The following GREB1L variants were observed in gnomAD, a reference collection of about 807,000 sequenced individuals.
GREB1L encodes the protein GREB1-like protein.
A neutral mutation model predicts 200.8 loss-of-function variants in GREB1L; 17 were observed. That is an observed-to-expected ratio of 0.08 (90% CI 0.06 to 0.13). The LOEUF (loss-of-function observed/expected upper bound fraction) is 0.13, where lower values mean the gene tolerates loss of function less well. Ranked by LOEUF, GREB1L falls within the 10% of genes least tolerant of loss-of-function variation. The pLI is 1.00. For missense variants in GREB1L, 1,657 were observed against 2,367.7 expected (o/e 0.70, Z 6.23); for synonymous variants, 789 against 893.0 (o/e 0.88, Z 2.08).
intron 1 of GREB1L, among the ~76,000 whole-genome samples, chr18:21,303,371 A>T (rs1376601064): frequency 1.3e-5 from 2 of 152,236 alleles, no homozygotes; most frequent in African/African-American, 4.8e-5. Flanking sequence ...AAGTTCCCAA[A>T]TGGAAAAATT....
At chr18:21,390,571 G>C (rs761034629) in intron 4 of GREB1L, among the ~76,000 whole-genome samples, 1 of 152,064 alleles carries the variant, frequency 6.6e-6, no homozygotes, top group Non-Finnish European at 1.5e-5. Context: ...GGAGTCTCGC[G>C]CTGTCACCAG....
chr18:21,432,400 ATAAT>A (rs1265873427), intron 7 of GREB1L, among the ~76,000 whole-genome samples: 3 of 151,906 alleles, frequency 2.0e-5, no homozygotes, highest in Non-Finnish European at 2.9e-5. Flanking sequence ...TATCAAGGTG[ATAAT>A]TAATTCTTCC....
chr18:21,319,351 C>CAATTGGTTAA (rs2038918010), intron 1 of GREB1L, among the ~76,000 whole-genome samples: 1 of 152,218 alleles, frequency 6.6e-6, no homozygotes, highest in African/African-American at 2.4e-5. Context: ...AATTGTAGAT[C>CAATTGGTTAA]CCAATCATGC....
chr18:21,485,164 T>C (rs558214518), intron 17 of GREB1L, among the ~76,000 whole-genome samples: 2 of 152,336 alleles, frequency 1.3e-5, no homozygotes, highest in East Asian at 3.9e-4. Context: ...AAAATTTGTT[T>C]GCAAAGATAA....
intron 28 of GREB1L, 86 bp downstream of exon 28, chr18:21,514,072 A>G: frequency 3.8e-6 from 5 of 1,310,370 alleles, no homozygotes; most frequent in Non-Finnish European, 5.2e-6. Flanking sequence ...GGAAGTAAGA[A>G]AGAGAGAGAC....
chr18:21,354,579 AC>A (rs1326244741), intron 1 of GREB1L, among the ~76,000 whole-genome samples: 1 of 152,246 alleles, frequency 6.6e-6, no homozygotes, highest in Non-Finnish European at 1.5e-5. Context: ...CATTAATCAT[AC>A]AGATTATCAT....
At chr18:21,439,707 A>G in intron 8 of GREB1L, 70 bp downstream of exon 8, 1 of 976,792 alleles carries the variant, frequency 1.0e-6, no homozygotes, top group South Asian at 1.4e-5. Context: ...AGATTTTGTA[A>G]TGAATTATCT....
chr18:21,491,949 T>C (rs1568055090), intron 19 of GREB1L, among the ~76,000 whole-genome samples: 1 of 152,110 alleles, frequency 6.6e-6, no homozygotes, highest in Non-Finnish European at 1.5e-5. Context: ...TACATTACAG[T>C]GGAATTCCTA....
chr18:21,450,837 T>C lies in GREB1L; in HGVS notation c.1721-186T>C, dbSNP rs547519648. The C allele has an allele frequency of 4.2e-3, 2,253 of 538,836 alleles. 12 individuals are homozygous for C. Among genetic ancestry groups the C allele is most frequent in the Non-Finnish European group, 5.6e-3 (1,717 of 305,958 alleles). The allele number at this position is 538,836 out of a possible 1,614,324, so 33.4% of individuals were successfully genotyped here. ...TGTATTATAAACATTTCTGTTTCTG[T>C]CTAGAGTCAGAATTGATATTTCAAA... On this transcript the variant is annotated intron_variant, in intron 12 of 32. Coordinates refer to ENST00000424526, the MANE Select transcript of GREB1L (RefSeq NM_001142966.3).
intron 1 of GREB1L, among the ~76,000 whole-genome samples, chr18:21,265,442 A>C (rs2037950855): frequency 6.6e-6 from 1 of 152,244 alleles, no homozygotes; most frequent in Admixed American, 6.5e-5. Flanking sequence ...GGTAAAATCA[A>C]GTAGCATGAA....
In GREB1L at chr18:21,523,071, C is replaced by T. The variant is rs1486683068; in HGVS notation, c.*250C>T. 8.2e-6 allele frequency: 3 copies of T among 364,930 alleles called. No individual in the cohort carries two copies. Among genetic ancestry groups the T allele is most frequent in the Admixed American group, 4.5e-5 (1 of 22,042 alleles). The allele number at this position is 364,930 out of a possible 1,614,324, so 22.6% of individuals were successfully genotyped here. ...GGCAGTTATGCAATTACTTAAGATA[C>T]GGTCTGCCCATGGGATCCTGAGGAG... On this transcript the variant is annotated 3_prime_UTR_variant, in exon 33 of 33. Coordinates refer to ENST00000424526, the MANE Select transcript of GREB1L (RefSeq NM_001142966.3).
rs1402796000 is a variant in GREB1L, at chr18:21,500,001, C to G, written c.3664C>G (p.Arg1222Gly). 4.5e-6 allele frequency: 7 copies of G among 1,551,342 alleles called. No individual in the cohort carries two copies. Among genetic ancestry groups the G allele is most frequent in the Non-Finnish European group, 6.1e-6 (7 of 1,146,990 alleles). Residue 1222 changes from arginine (R) to glycine (G), a missense_variant, in exon 22 of 33, where the codon CGG becomes GGG. Around this residue, in one of 9 missense-constraint regions of GREB1L, gnomAD observed 512 missense variants for 668.3 expected, o/e 0.77. Coordinates refer to ENST00000424526, the MANE Select transcript of GREB1L (RefSeq NM_001142966.3). ...GCCGGGACAGCCCATCAGAGGCTGC[C>G]GGGGCCCACAGGCAGCCCTGCCACC... is the stretch of plus-strand genomic sequence containing the variant. ...PWPGQPIRGC[R>G]GPQAALPPVV...
At chr18:21,480,349 TCAAAAA>T (rs2035870856) in intron 17 of GREB1L, among the ~76,000 whole-genome samples, 2 of 151,872 alleles carry the variant, frequency 1.3e-5, no homozygotes, top group Non-Finnish European at 1.5e-5. Context: ...AGACTCCATC[TCAAAAA>T]CAAAAAGAGG....
At chr18:21,384,462 T>C in intron 4 of GREB1L, 59 bp downstream of exon 4, 1 of 1,349,748 alleles carries the variant, frequency 7.4e-7, no homozygotes, top group Non-Finnish European at 1.0e-6. Context: ...CTGACATATT[T>C]CTAATTATTA....
intron 11 of GREB1L, among the ~76,000 whole-genome samples, chr18:21,446,570 A>T (rs569824292): frequency 4.6e-5 from 7 of 152,308 alleles, no homozygotes; most frequent in African/African-American, 1.7e-4. Context: ...ATACATGAAT[A>T]GCTATTTCTC....
intron 1 of GREB1L, among the ~76,000 whole-genome samples, chr18:21,259,409 T>A (rs1480381653): frequency 3.3e-5 from 5 of 152,172 alleles, no homozygotes; most frequent in Non-Finnish European, 4.4e-5. Flanking sequence ...AAGTCTTTTT[T>A]AAGCACCTAT....
chr18:21,274,205 A>C (rs1352398240), intron 1 of GREB1L, among the ~76,000 whole-genome samples: 1 of 152,086 alleles, frequency 6.6e-6, no homozygotes, highest in Non-Finnish European at 1.5e-5. Flanking sequence ...GGGGCAATGG[A>C]GCTCTCTGGG....
chr18:21,251,425 T>C (rs1399891488), intron 1 of GREB1L, among the ~76,000 whole-genome samples: 1 of 152,210 alleles, frequency 6.6e-6, no homozygotes, highest in Non-Finnish European at 1.5e-5. Flanking sequence ...TAAATTATTA[T>C]ACAATATCCT....
At chr18:21,378,882 CG>C (rs1339184579) in intron 2 of GREB1L, among the ~76,000 whole-genome samples, 1 of 145,444 alleles carries the variant, frequency 6.9e-6, no homozygotes, top group Admixed American at 6.9e-5. Context: ...TTTTTTTTTT[CG>C]GGGGGGGACA....
Sources: gnomAD v4.1 joint callset for allele counts (sites outside exome capture counted in the v4.1 genomes callset) on GRCh38, gnomAD v4.1.1 for gene constraint, gnomAD v4.1.1 regional missense constraint, MANE v1.5 for transcripts, NCBI Gene and HGNC (gene_info 2026-07-23, HGNC 2026-07-21) for gene names.